Variants in EYS observed in about 807,000 individuals in gnomAD.
EYS encodes the protein protein eyes shut homolog.
EYS carries 250 observed loss-of-function variants against 282.1 expected under a neutral mutation model. The ratio of observed to expected loss-of-function variants is 0.89; its 90% confidence interval spans 0.80 to 0.98. The LOEUF is 0.98. Among genes scored for constraint, EYS ranks in the 50% least tolerant of loss-of-function variants. EYS has a pLI of 0.00. For missense variants in EYS, 4,016 were observed against 3,709.0 expected (o/e 1.08, Z -2.15); for synonymous variants, 1,355 against 1,282.9 (o/e 1.06, Z -1.20).
chr6:65,331,604 T>G (rs1026576859), intron 11 of EYS: 1 of 978,574 alleles, frequency 1.0e-6, no homozygotes, highest in Admixed American at 6.2e-5. Context: ...CAAGATTCTC[T>G]GGATATCAAA....
chr6:63,770,354 C>G (rs1182463038), intron 40 of EYS, among the ~76,000 whole-genome samples: 1 of 151,936 alleles, frequency 6.6e-6, no homozygotes, highest in African/African-American at 2.4e-5. Context: ...GAGATAAGAA[C>G]AGAGAATGAA....
chr6:64,214,170 C>T (rs1015189257), intron 31 of EYS, among the ~76,000 whole-genome samples: 6 of 152,026 alleles, frequency 3.9e-5, no homozygotes, highest in Non-Finnish European at 8.8e-5. Flanking sequence ...TGGCTTTTGC[C>T]TTCTTTTTCC....
chr6:64,722,405 T>C (rs1439247947), intron 22 of EYS, among the ~76,000 whole-genome samples: 1 of 151,752 alleles, frequency 6.6e-6, no homozygotes, highest in Non-Finnish European at 1.5e-5. Flanking sequence ...AAATGGTCAG[T>C]AGTGTTAGCA....
At chr6:65,700,019 G>A (rs1056320550) in intron 1 of EYS, among the ~76,000 whole-genome samples, 1 of 149,024 alleles carries the variant, frequency 6.7e-6, no homozygotes, top group Non-Finnish European at 1.5e-5. Context: ...GGAGGCTGAG[G>A]CAGGAGAATG....
chr6:64,418,594 G>C (rs868221536), intron 28 of EYS, among the ~76,000 whole-genome samples: 4 of 152,300 alleles, frequency 2.6e-5, no homozygotes, highest in Middle Eastern at 3.4e-3. Flanking sequence ...CACAGGGAGA[G>C]AGAAGGAAAC....
At chr6:64,301,230 T>G (rs985295289) in intron 30 of EYS, among the ~76,000 whole-genome samples, 6 of 152,202 alleles carry the variant, frequency 3.9e-5, no homozygotes, top group South Asian at 2.1e-4. Context: ...TAGGCGATAT[T>G]AACTGGCTTT....
intron 1 of EYS, among the ~76,000 whole-genome samples, chr6:65,682,506 T>C (rs922184910): frequency 6.6e-6 from 1 of 151,922 alleles, no homozygotes; most frequent in Non-Finnish European, 1.5e-5. Context: ...AATTTGAAAA[T>C]ATTAAAATAT....
At chr6:64,444,530 T>G (rs1371688243) in intron 26 of EYS, among the ~76,000 whole-genome samples, 1 of 152,226 alleles carries the variant, frequency 6.6e-6, no homozygotes, top group Non-Finnish European at 1.5e-5. Context: ...TTTTTCATTA[T>G]GTGACTAATT....
At chr6:64,753,503 TA>T (rs75467726) in intron 22 of EYS, among the ~76,000 whole-genome samples, 12,060 of 132,034 alleles carry the variant, frequency 0.091, 558 homozygotes, top group East Asian at 0.18. Flanking sequence ...CAAAAAACAG[TA>T]AAAAAAAAAA....
intron 2 of EYS, among the ~76,000 whole-genome samples, chr6:65,607,003 A>G (rs1227154639): frequency 4.0e-5 from 6 of 151,860 alleles, no homozygotes; most frequent in Admixed American, 6.6e-5. Flanking sequence ...AAGAATGGGA[A>G]TGAGATATTG....
intron 12 of EYS, among the ~76,000 whole-genome samples, chr6:65,264,181 C>A (rs981194080): frequency 6.6e-6 from 1 of 152,070 alleles, no homozygotes; most frequent in African/African-American, 2.4e-5. Context: ...TAGCAAGGCA[C>A]TTTTTGAACC....
At chr6:64,173,269 G>A (rs1298232610) in intron 31 of EYS, among the ~76,000 whole-genome samples, 3 of 152,076 alleles carry the variant, frequency 2.0e-5, no homozygotes, top group African/African-American at 7.2e-5. Context: ...TAGTGACCAG[G>A]GGATAGGTTT....
intron 31 of EYS, among the ~76,000 whole-genome samples, chr6:64,184,515 G>A (rs1049155309): frequency 6.6e-6 from 1 of 151,724 alleles, no homozygotes; most frequent in African/African-American, 2.4e-5. Flanking sequence ...TTCGCTTTCT[G>A]CGTTCTTTGA....
intron 12 of EYS, among the ~76,000 whole-genome samples, chr6:65,286,703 A>G (rs1429190455): frequency 1.3e-5 from 2 of 151,740 alleles, no homozygotes; most frequent in Non-Finnish European, 3.0e-5. Flanking sequence ...AGCTATCAAA[A>G]TAAAGTCTCA....
Position 63,726,608 on chromosome 6 carries a change from C to T in EYS, c.8144G>A (p.Arg2715Gln), listed in dbSNP as rs778420295. 2.3e-5 allele frequency: 36 copies of T among 1,550,744 alleles called. No individual in the cohort carries two copies. The South Asian group carries it at 3.3e-4, about 14-fold the overall frequency. ...CTGCAATTGAATATGTGTCTTTTTT[C>T]GAACATGAAAGGAAGCAAAAGACAT... ...SWMSFASFHV[R>Q]KKTHIQLQFQ... is the part of the protein sequence containing the mutation. The change falls in exon 42 of 43, where the codon CGA becomes CAA. Residue 2715 changes from arginine (R) to glutamine (Q), a missense_variant. Coordinates refer to ENST00000503581, the MANE Select transcript of EYS (RefSeq NM_001142800.2).
intron 14 of EYS, among the ~76,000 whole-genome samples, chr6:64,961,184 G>T (rs1769903568): frequency 6.6e-6 from 1 of 152,090 alleles, no homozygotes; most frequent in South Asian, 2.1e-4. Context: ...TGGGATTGCA[G>T]GGTTGAATAG....
intron 35 of EYS, among the ~76,000 whole-genome samples, chr6:63,893,495 A>G (rs1190778423): frequency 1.3e-5 from 2 of 152,074 alleles, no homozygotes; most frequent in African/African-American, 2.4e-5. Context: ...CCAAACCCGC[A>G]TGTTCTCACT....
chr6:64,725,767 T>A (rs891784729), intron 22 of EYS, among the ~76,000 whole-genome samples: 2 of 152,210 alleles, frequency 1.3e-5, no homozygotes, highest in Middle Eastern at 3.4e-3. Context: ...CCATGTCTTA[T>A]TGATTTCACC....
At chr6:64,406,286 C>G (rs1002943512) in intron 28 of EYS, among the ~76,000 whole-genome samples, 11 of 152,158 alleles carry the variant, frequency 7.2e-5, no homozygotes, top group Admixed American at 5.9e-4. Flanking sequence ...TGGATCCCTT[C>G]CTTACATCTT....
Sources: gnomAD v4.1 joint callset for allele counts (sites outside exome capture counted in the v4.1 genomes callset) on GRCh38, gnomAD v4.1.1 for gene constraint, MANE v1.5 for transcripts, NCBI Gene and HGNC (gene_info 2026-07-23, HGNC 2026-07-21) for gene names.